The following SGTB variants were observed in gnomAD, a reference collection of about 807,000 sequenced individuals.
SGTB encodes small glutamine rich tetratricopeptide repeat co-chaperone beta, also known as small glutamine-rich tetratricopeptide repeat-containing protein beta.
A neutral mutation model predicts 43.9 loss-of-function variants in SGTB; 19 were observed. That is an observed-to-expected ratio of 0.43 (90% CI 0.30 to 0.63). The LOEUF (loss-of-function observed/expected upper bound fraction) is 0.63. Ranked by LOEUF, SGTB falls within the 30% of genes least tolerant of loss-of-function variation. SGTB has a pLI of 0.12. For synonymous variants in SGTB, 116 were observed against 117.3 expected (o/e 0.99, Z 0.07); for missense variants, 304 against 358.9 (o/e 0.85, Z 1.24).
intron 8 of SGTB, among the ~76,000 whole-genome samples, chr5:65,677,531 A>G (rs184308053): frequency 1.3e-5 from 2 of 152,256 alleles, no homozygotes; most frequent in Middle Eastern, 3.4e-3. Context: ...CAGAGATACA[A>G]TAACAAAAAA....
rs58479230 is a variant in SGTB at position 65,709,871 on chromosome 5, A to T, written c.205-1313T>A. ...CACGTTGGCTTCCCAAAGTGTTGGG[A>T]TTATAGGCATGAGCCACCATGCCCA... is the stretch of plus-strand genomic sequence containing the variant. On this transcript the variant is annotated intron_variant, in intron 3 of 10. Transcript: ENST00000381007. Among the ~76,000 whole-genome samples, 492 of 152,298 alleles carry T rather than the reference A, an allele frequency of 3.2e-3. 3 individuals are homozygous for T. The highest frequency in any genetic ancestry group is 0.011 in the African/African-American group (452 of 41,570).
intron 5 of SGTB, among the ~76,000 whole-genome samples, chr5:65,696,126 G>C (rs750431872): frequency 6.6e-6 from 1 of 152,162 alleles, no homozygotes; most frequent in Non-Finnish European, 1.5e-5. Flanking sequence ...GAGGCTTCTT[G>C]ATTGTGCCTT....
At position 65,712,949 on chromosome 5, in the gene SGTB, A is replaced by G; in HGVS notation, c.204+12T>C. 1 of 1,595,450 alleles carries G rather than the reference A, an allele frequency of 6.3e-7. No individual in the cohort carries two copies. Among genetic ancestry groups the G allele is most frequent in the Non-Finnish European group, 8.6e-7 (1 of 1,168,334 alleles). ...CATATCAGTTAATAATGAGAAAATA[A>G]TGACAACATACCTTACAGAAGGAAC... On this transcript the variant is annotated intron_variant, in intron 3 of 10. Transcript: ENST00000381007.
At position 65,703,731 on chromosome 5, in the gene SGTB, A is replaced by G. The variant is rs13362110; in HGVS notation, c.374+548T>C. The stretch of plus-strand genomic sequence containing the variant: ...AAAGTGAGACCACGTCTCAAAAAAA[A>G]TAAAAATAAAAATGAATAAATTTAG... On this transcript the variant is annotated intron_variant, in intron 5 of 10. Coordinates refer to ENST00000381007, the MANE Select transcript of SGTB (RefSeq NM_019072.3). Among the ~76,000 whole-genome samples the G allele has an allele frequency of 1.7e-3, 261 of 150,446 alleles. 1 individual carries two copies. The highest frequency in any genetic ancestry group is 6.3e-3 in the African/African-American group (259 of 40,896).
intron 5 of SGTB, among the ~76,000 whole-genome samples, chr5:65,698,863 T>G (rs1004372040): frequency 6.6e-6 from 1 of 152,144 alleles, no homozygotes; most frequent in Non-Finnish European, 1.5e-5. Context: ...ATGGCCATTA[T>G]TAGAAAGTCA....
At chr5:65,704,417 T>C in intron 4 of SGTB, 39 bp from the exon 5 acceptor site, 2 of 1,445,744 alleles carry the variant, frequency 1.4e-6, no homozygotes, top group Non-Finnish European at 1.9e-6. Context: ...AAGTATAATA[T>C]ACATTAAAAA....
At chr5:65,693,907 G>A (rs1001707651) in intron 5 of SGTB, among the ~76,000 whole-genome samples, 3 of 152,214 alleles carry the variant, frequency 2.0e-5, no homozygotes, top group African/African-American at 4.8e-5. Context: ...GAAAAGTTCT[G>A]TATCTGTACT....
chr5:65,686,487 G>C (rs536871466), intron 5 of SGTB, among the ~76,000 whole-genome samples: 1 of 150,890 alleles, frequency 6.6e-6, no homozygotes, highest in Non-Finnish European at 1.5e-5. Context: ...TCTTGTTTTT[G>C]CTACCTTTAT....
At chr5:65,705,137 G>GT (rs1757905100) in intron 4 of SGTB, among the ~76,000 whole-genome samples, 2 of 152,182 alleles carry the variant, frequency 1.3e-5, no homozygotes, top group African/African-American at 4.8e-5. Context: ...CTCTGCACTT[G>GT]TAAGAACCAA....
rs1232463666 is a variant in SGTB at position 65,677,073 on chromosome 5, G to A, written c.681+3421C>T. Among the ~76,000 whole-genome samples, 8 of 150,558 alleles carry A rather than the reference G, an allele frequency of 5.3e-5. No individual in the cohort carries two copies. In the East Asian group the frequency reaches 5.8e-4, roughly 11 times the overall value. On this transcript the variant is annotated intron_variant, in intron 8 of 10. Coordinates refer to ENST00000381007, the MANE Select transcript of SGTB (RefSeq NM_019072.3). ...TTTGATAAAATTAATAAAATAGACCGCTAGCTATACTAATGAAGAAAAAAG... is the reference window on the plus strand; with the variant it reads ...TTTGATAAAATTAATAAAATAGACCACTAGCTATACTAATGAAGAAAAAAG...
At chr5:65,690,519 A>T (rs183770847) in intron 5 of SGTB, among the ~76,000 whole-genome samples, 3 of 152,206 alleles carry the variant, frequency 2.0e-5, no homozygotes, top group African/African-American at 2.4e-5. Context: ...GATACAAAAG[A>T]TATCACTTAA....
chr5:65,712,349 T>G (rs776758377), intron 3 of SGTB, among the ~76,000 whole-genome samples: 42 of 152,304 alleles, frequency 2.8e-4, no homozygotes, highest in Admixed American at 7.2e-4. Flanking sequence ...CTTAGCATTT[T>G]TCAGACAGTC....
intron 5 of SGTB, among the ~76,000 whole-genome samples, chr5:65,689,628 A>G (rs557213605): frequency 6.4e-4 from 97 of 152,262 alleles, no homozygotes; most frequent in African/African-American, 2.3e-3. Context: ...GATTCATTCA[A>G]CTAATATATC....
rs1757025058 is a variant in SGTB, at chr5:65,665,966, A to G, written c.*4280T>C. On this transcript the variant is annotated 3_prime_UTR_variant, in exon 11 of 11. Coordinates refer to ENST00000381007, the MANE Select transcript of SGTB (RefSeq NM_019072.3). The stretch of plus-strand genomic sequence containing the variant: ...GCATCATTATTTATTGCCATAACAA[A>G]TTGTTTGGTCCAAAATGAAAGCTAT... 6.6e-6 allele frequency: 1 copy of G among 152,612 alleles called. No individual in the cohort carries two copies. Among genetic ancestry groups the G allele is most frequent in the Non-Finnish European group, 1.5e-5 (1 of 68,000 alleles). The allele number at this position is 152,612 out of a possible 1,614,324, so 9.5% of individuals were successfully genotyped here. A position where few individuals can be genotyped will look rare whatever the true frequency, so the allele number is the denominator to read the frequency against.
At chr5:65,696,393 A>G (rs10073281) in intron 5 of SGTB, among the ~76,000 whole-genome samples, 7,925 of 152,294 alleles carry the variant, frequency 0.052, 695 homozygotes, top group African/African-American at 0.18. Context: ...GTTTGTGTAG[A>G]GACAGAAGAC....
chr5:65,714,154 T>C (rs550744233), intron 2 of SGTB, among the ~76,000 whole-genome samples: 98 of 152,302 alleles, frequency 6.4e-4, no homozygotes, highest in South Asian at 3.7e-3. Flanking sequence ...ATTAAAAACA[T>C]TAATAGTAAC....
chr5:65,680,894 A>G, intron 6 of SGTB, 100 bp from the exon 7 acceptor site: 1 of 1,270,028 alleles, frequency 7.9e-7, no homozygotes. Flanking sequence ...ATTCAGTTCT[A>G]ATCCAGATTA....
intron 6 of SGTB, 25 bp downstream of exon 6, chr5:65,685,343 C>A (rs886333626): frequency 6.2e-7 from 1 of 1,605,642 alleles, no homozygotes. Context: ...CATGGTACTA[C>A]TTGGAACATC....
At chr5:65,678,386 T>G (rs997264417) in intron 8 of SGTB, among the ~76,000 whole-genome samples, 2 of 152,150 alleles carry the variant, frequency 1.3e-5, no homozygotes, top group Admixed American at 6.6e-5. Flanking sequence ...TGCTCATGGA[T>G]AGAAGAATCA....
Sources: allele counts gnomAD v4.1 joint callset (sites outside exome capture counted in the v4.1 genomes callset), GRCh38; gene constraint gnomAD v4.1.1; transcripts MANE v1.5; gene names NCBI Gene and HGNC (gene_info 2026-07-23, HGNC 2026-07-21).